The following IRF2 variants were observed in gnomAD, a reference collection of about 807,000 sequenced individuals.
The protein encoded by IRF2 is interferon regulatory factor 2.
A neutral mutation model predicts 40.6 loss-of-function variants in IRF2; 15 were observed. That is an observed-to-expected ratio of 0.37 (90% CI 0.25 to 0.57). IRF2 has a LOEUF of 0.57. Among genes scored for constraint, IRF2 ranks in the 20% least tolerant of loss-of-function variants. The pLI is 0.77. For missense variants in IRF2, 317 were observed against 455.7 expected, an observed-to-expected ratio of 0.70 and a Z score of 2.77; for synonymous variants, 151 against 165.5, an observed-to-expected ratio of 0.91 and a Z score of 0.67.
chr4:184,388,618 C>A lies in IRF2; in HGVS notation c.*140G>T. 3.6e-6 allele frequency: 3 copies of A among 844,058 alleles called. No homozygotes were observed. Among genetic ancestry groups the A allele is most frequent in the Non-Finnish European group, 5.6e-6 (3 of 538,820 alleles). 52.3% of individuals were successfully genotyped at this position (844,058 alleles called of 1,614,324 possible). A position where few individuals can be genotyped will look rare whatever the true frequency, so the allele number is the denominator to read the frequency against. ...GAGAAGCTCCAGTACTGGAGTTGGA[C>A]ACAGCAATCAATGTTCTATTGTCAA... On this transcript the variant is annotated 3_prime_UTR_variant, in exon 9 of 9. Coordinates refer to ENST00000393593, the MANE Select transcript of IRF2 (RefSeq NM_002199.4). The surrounding 1 kb of genome is among the most constrained non-coding windows in gnomAD (Gnocchi z 4.6).
In IRF2 at chr4:184,472,665, G is replaced by A. The variant is rs552670254; in HGVS notation, c.-7+1714C>T. On this transcript the variant is annotated intron_variant, in intron 1 of 8. Transcript: ENST00000393593. ...AAGGACAAGGAGCAACCGGAGGGAGGAGGTTGAAGAGGGAGGGGGCGGGCA... is the reference window on the plus strand; with the variant it reads ...AAGGACAAGGAGCAACCGGAGGGAGAAGGTTGAAGAGGGAGGGGGCGGGCA... 2.6e-5 allele frequency: 4 copies of A among 152,220 alleles called. No individual in the cohort carries two copies. The South Asian group carries it at 8.3e-4, about 32-fold the overall frequency. 9.4% of individuals were successfully genotyped at this position (152,220 alleles called of 1,614,324 possible).
chr4:184,467,645 C>T (rs1165365270), intron 1 of IRF2, among the ~76,000 whole-genome samples: 2 of 152,330 alleles, frequency 1.3e-5, no homozygotes, highest in African/African-American at 4.8e-5. Flanking sequence ...GCCAGGACAG[C>T]GTATTCTGTC....
In IRF2 at chr4:184,466,998, G is replaced by A. The variant is rs112321011; in HGVS notation, c.-7+7381C>T. On this transcript the variant is annotated intron_variant, in intron 1 of 8. Transcript: ENST00000393593. The stretch of plus-strand genomic sequence containing the variant: ...TGTATGGCCCATTGATGACCTAAAC[G>A]TTGTGATGCAGCAACATCACTGTAC... Among the ~76,000 whole-genome samples, 362 of 152,200 alleles carry A rather than the reference G, an allele frequency of 2.4e-3. 1 individual carries two copies. Among genetic ancestry groups the A allele is most frequent in the African/African-American group, 8.2e-3 (339 of 41,524 alleles).
intron 1 of IRF2, among the ~76,000 whole-genome samples, chr4:184,449,313 C>A (rs3775576): frequency 0.79 from 119,655 of 152,116 alleles, 47,929 homozygotes; most frequent in South Asian, 0.84. Flanking sequence ...ATCCCCTCTC[C>A]CAAGCTAACT....
chr4:184,455,405 A>T (rs1293038438), intron 1 of IRF2, among the ~76,000 whole-genome samples: 1 of 132,966 alleles, frequency 7.5e-6, no homozygotes, highest in Non-Finnish European at 1.5e-5. Flanking sequence ...TCAGCCTCCC[A>T]AAGCGCTGGG....
At position 184,423,212 on chromosome 4, in the gene IRF2, C is replaced by T. The variant is rs534271827; in HGVS notation, c.88-3644G>A. Among the ~76,000 whole-genome samples, 10 of 152,260 alleles carry T rather than the reference C, an allele frequency of 6.6e-5. No individual in the cohort carries two copies. The East Asian group carries it at 1.5e-3, about 24-fold the overall frequency. The stretch of plus-strand genomic sequence containing the variant: ...CAGTATGTGCCAGGTGTCTCATCCC[C>T]GAGTGACCAGTCCTGCACACGTGGT... On this transcript the variant is annotated intron_variant, in intron 2 of 8. Coordinates refer to ENST00000393593, the MANE Select transcript of IRF2 (RefSeq NM_002199.4).
At position 184,389,064 on chromosome 4, in the gene IRF2, C is replaced by A. The variant is rs1131553; in HGVS notation, c.744G>T (p.Gly248=). 6.2e-7 allele frequency: 1 copy of A among 1,613,618 alleles called. No homozygotes were observed. Among genetic ancestry groups the A allele is most frequent in the Non-Finnish European group, 8.5e-7 (1 of 1,179,724 alleles). Residue 248 remains glycine, a splice_region_variant and synonymous_variant, in exon 9 of 9, where the codon GGG becomes GGT. Coordinates refer to ENST00000393593, the MANE Select transcript of IRF2 (RefSeq NM_002199.4). ...SVPSDEESAE[G]RPHWRKRNIE... ...TATTCCTCTTCCGCCAGTGTGGCCG[C>A]CCCTTTCAAGAAAGTAATTAAGATA... is the stretch of plus-strand genomic sequence containing the variant.
chr4:184,417,144 TTGA>T (rs1397263471), intron 5 of IRF2, among the ~76,000 whole-genome samples: 1 of 152,166 alleles, frequency 6.6e-6, no homozygotes. Context: ...GGAGGGGCTA[TTGA>T]TGAAGCAAAA....
At position 184,408,188 on chromosome 4, in the gene IRF2, T is replaced by A. The variant is rs1736931600; in HGVS notation, c.499A>T (p.Asn167Tyr). 6.2e-7 allele frequency: 1 copy of A among 1,609,590 alleles called. No homozygotes were observed. The highest frequency in any genetic ancestry group is 8.5e-7 in the Non-Finnish European group (1 of 1,175,814). The part of the protein sequence containing the change: ...EYAVLTSTIK[N>Y]EVDSTVNIIV... ...ATGTTCACCGTACTATCCACTTCATTTTTTATAGTTGAAGTCAGGACCGCA... is the reference window on the plus strand; with the variant it reads ...ATGTTCACCGTACTATCCACTTCATATTTTATAGTTGAAGTCAGGACCGCA... The change falls in exon 6 of 9, where the codon AAT becomes TAT. Residue 167 changes from asparagine to tyrosine, a missense_variant. Physicochemically the swap from Asn to Tyr is moderately radical, Grantham distance 143 (BLOSUM62 -2). Transcript: ENST00000393593. This position sits in a 1 kb window ranked among gnomAD's most constrained non-coding sequence, Gnocchi z 4.9.
chr4:184,452,798 G>GAAAAAAAAAAAAAAA (rs1579104870), intron 1 of IRF2, among the ~76,000 whole-genome samples: 2 of 123,014 alleles, frequency 1.6e-5, no homozygotes, highest in East Asian at 2.8e-4. Flanking sequence ...AAAAAAAAGG[G>GAAAAAAAAAAAAAAA]AAAGAAAGAA....
chr4:184,404,085 A>G (rs1223208251), intron 6 of IRF2, among the ~76,000 whole-genome samples: 1 of 152,196 alleles, frequency 6.6e-6, no homozygotes, highest in African/African-American at 2.4e-5. Context: ...CCTCAGAGAA[A>G]GTGCTTAAAA....
intron 1 of IRF2, among the ~76,000 whole-genome samples, chr4:184,469,515 C>T (rs1295823361): frequency 6.6e-6 from 1 of 152,192 alleles, no homozygotes; most frequent in East Asian, 1.9e-4. Context: ...CGTCTCTACA[C>T]AAAAATGTAT....
chr4:184,469,679 A>C (rs1351037002), intron 1 of IRF2, among the ~76,000 whole-genome samples: 2 of 152,214 alleles, frequency 1.3e-5, no homozygotes, highest in African/African-American at 2.4e-5. Context: ...TGACTCTAAT[A>C]AAAGAAAAAG....
At chr4:184,456,183 C>A (rs1738918533) in intron 1 of IRF2, among the ~76,000 whole-genome samples, 1 of 152,170 alleles carries the variant, frequency 6.6e-6, no homozygotes, top group Non-Finnish European at 1.5e-5. Context: ...CCCATTAGTT[C>A]ATTCGCCTCA....
At chr4:184,442,144 T>C (rs1561116143) in intron 1 of IRF2, among the ~76,000 whole-genome samples, 1 of 152,206 alleles carries the variant, frequency 6.6e-6, no homozygotes, top group Non-Finnish European at 1.5e-5. Flanking sequence ...GCCTCCTTTA[T>C]GCAGCCCCTT....
At chr4:184,446,821 G>A (rs1738527930) in intron 1 of IRF2, among the ~76,000 whole-genome samples, 1 of 152,064 alleles carries the variant, frequency 6.6e-6, no homozygotes, top group Non-Finnish European at 1.5e-5. Flanking sequence ...CAGGCGTGGT[G>A]ACGGGCACCT....
intron 1 of IRF2, 128 bp from the exon 2 acceptor site, chr4:184,429,198 G>A: frequency 1.5e-6 from 1 of 651,862 alleles, no homozygotes; most frequent in South Asian, 1.7e-5. Context: ...GGGGGCTGGG[G>A]GGTCGGTGTA....
At chr4:184,470,969 G>T (rs1441621281) in intron 1 of IRF2, among the ~76,000 whole-genome samples, 1 of 149,618 alleles carries the variant, frequency 6.7e-6, no homozygotes, top group Non-Finnish European at 1.5e-5. Flanking sequence ...GGATTCCACT[G>T]TGAAATTTTT....
chr4:184,411,119 G>A (rs1333225277), intron 5 of IRF2, among the ~76,000 whole-genome samples: 4 of 150,684 alleles, frequency 2.7e-5, no homozygotes, highest in Non-Finnish European at 4.4e-5. Context: ...GTGCAATGGC[G>A]TGATCTTGGC....
Sources: allele counts gnomAD v4.1 joint callset (sites outside exome capture counted in the v4.1 genomes callset), GRCh38; gene constraint gnomAD v4.1.1; non-coding constraint Gnocchi (gnomAD v3.1); transcripts MANE v1.5; gene names NCBI Gene and HGNC (gene_info 2026-07-23, HGNC 2026-07-21).